The following ANKRD17 variants were observed in gnomAD, a reference collection of about 807,000 sequenced individuals.
ANKRD17 encodes the protein ankyrin repeat domain-containing protein 17.
Under a neutral mutation model 229.7 loss-of-function variants are expected in ANKRD17, and 19 were observed. That is an observed-to-expected ratio of 0.08 (90% confidence interval 0.06 to 0.12). The LOEUF (loss-of-function observed/expected upper bound fraction) is 0.12. ANKRD17 is among the 10% of genes least tolerant of loss of function. The probability of loss-of-function intolerance (pLI) is 1.00; values close to 1 mark genes in which losing one functional copy is unlikely to be tolerated. For synonymous variants in ANKRD17, 1,112 were observed against 1,146.1 expected (o/e 0.97, Z 0.60); for missense variants, 2,176 against 3,176.8 (o/e 0.68, Z 7.57).
rs200947327 is a variant in ANKRD17, at chr4:73,201,494, AG to A, written c.394-23962del. ...ATGTAAACAGTGCGTGAGGAAAAAA[AG>A]CAAGAAACAAATATTTTTAAATAAT... On this transcript the variant is annotated intron_variant, in intron 1 of 33. Coordinates refer to ENST00000358602, the MANE Select transcript of ANKRD17 (RefSeq NM_032217.5). 3.3e-3 allele frequency among the ~76,000 whole-genome samples: 510 copies of A among 152,296 alleles called. 10 individuals are homozygous for A. The highest frequency in any genetic ancestry group is 0.023 in the Admixed American group (350 of 15,302).
chr4:73,247,395 T>C (rs550579133), intron 1 of ANKRD17, among the ~76,000 whole-genome samples: 1 of 152,166 alleles, frequency 6.6e-6, no homozygotes, highest in African/African-American at 2.4e-5. Context: ...AATAGTTTCA[T>C]ACTCAAAAAT....
At chr4:73,228,098 ATTACT>A (rs1742684503) in intron 1 of ANKRD17, among the ~76,000 whole-genome samples, 1 of 152,210 alleles carries the variant, frequency 6.6e-6, no homozygotes, top group Non-Finnish European at 1.5e-5. Flanking sequence ...AAATTTAATC[ATTACT>A]TTATAGTATC....
intron 24 of ANKRD17, among the ~76,000 whole-genome samples, chr4:73,106,640 G>T (rs992445561): frequency 3.3e-5 from 5 of 152,114 alleles, no homozygotes; most frequent in African/African-American, 1.2e-4. Flanking sequence ...CAGCACTTTG[G>T]GAGGCCAAGG....
At position 73,142,405 on chromosome 4, in the gene ANKRD17, A is replaced by G; in HGVS notation, c.2086-20T>C. On this transcript the variant is annotated intron_variant, in intron 12 of 33. Coordinates refer to ENST00000358602, the MANE Select transcript of ANKRD17 (RefSeq NM_032217.5). ...GCCATCCTAAAAGAGTGAATATGGA[A>G]GGGGAAAAAAAGTGAAGAAAAATAA... 2.5e-6 allele frequency: 4 copies of G among 1,585,544 alleles called. No homozygotes were observed. Among genetic ancestry groups the G allele is most frequent in the Non-Finnish European group, 3.4e-6 (4 of 1,173,624 alleles).
At position 73,139,850 on chromosome 4, in the gene ANKRD17, A is replaced by G. The variant is rs1289586207; in HGVS notation, c.2766T>C (p.Ser922=). The G allele has an allele frequency of 6.2e-7, 1 of 1,614,122 alleles. No homozygotes were observed. Among genetic ancestry groups the G allele is most frequent in the African/African-American group, 1.3e-5 (1 of 74,944 alleles). ...GCTGTAACCGTGCATAGTCTCCCTC[A>G]GAAAGCTGCTCTCCAACTCCAACAG... ...LTPVGVGEQL[S]EGDYARLQQV... is the part of the protein sequence containing the mutation. Residue 922 remains serine, a synonymous_variant, in exon 15 of 34, where the codon TCT becomes TCC. Coordinates refer to ENST00000358602, the MANE Select transcript of ANKRD17 (RefSeq NM_032217.5).
chr4:73,102,243 G>C, intron 25 of ANKRD17, 133 bp downstream of exon 25: 1 of 898,676 alleles, frequency 1.1e-6, no homozygotes, highest in South Asian at 2.0e-5. Flanking sequence ...GATTACGGGC[G>C]TGAGCCACTG....
intron 1 of ANKRD17, among the ~76,000 whole-genome samples, chr4:73,185,454 A>T (rs1181702830): frequency 1.3e-5 from 2 of 151,974 alleles, no homozygotes; most frequent in Non-Finnish European, 2.9e-5. Context: ...AATAATCCCC[A>T]CACTTATTCC....
In ANKRD17 at chr4:73,258,791, C is replaced by A; in HGVS notation, c.-123G>T. 1 of 1,348,108 alleles carries A rather than the reference C, an allele frequency of 7.4e-7. No homozygotes were observed. The highest frequency in any genetic ancestry group is 9.4e-7 in the Non-Finnish European group (1 of 1,058,262). 83.5% of individuals were successfully genotyped at this position (1,348,108 alleles called of 1,614,324 possible). On this transcript the variant is annotated 5_prime_UTR_variant, in exon 1 of 34. Coordinates refer to ENST00000358602, the MANE Select transcript of ANKRD17 (RefSeq NM_032217.5). ...GCCTCCGCCGCCACCGCCTCGGTCACCTCTACTGCCGCCGCCGCCGCCGCC... is the reference window on the plus strand; with the variant it reads ...GCCTCCGCCGCCACCGCCTCGGTCAACTCTACTGCCGCCGCCGCCGCCGCC...
chr4:73,082,355 G>C (rs904818596), intron 30 of ANKRD17, among the ~76,000 whole-genome samples: 1 of 152,030 alleles, frequency 6.6e-6, no homozygotes, highest in Non-Finnish European at 1.5e-5. Flanking sequence ...GGGTGCTATG[G>C]CAAGTGCCTG....
chr4:73,187,160 T>C (rs998599049), intron 1 of ANKRD17, among the ~76,000 whole-genome samples: 1 of 152,216 alleles, frequency 6.6e-6, no homozygotes, highest in Non-Finnish European at 1.5e-5. Context: ...AAAGTTCTGA[T>C]GAACAGTTTG....
rs762523913 is a variant in ANKRD17, at chr4:73,085,321, C to T, written c.7087G>A (p.Ala2363Thr). 1.1e-5 allele frequency: 17 copies of T among 1,614,090 alleles called. No homozygotes were observed. The highest frequency in any genetic ancestry group is 7.7e-5 in the South Asian group (7 of 91,068). Residue 2363 changes from alanine (A) to threonine (T), a missense_variant, in exon 30 of 34, where the codon GCA becomes ACA. Transcript: ENST00000358602. ...TGTTGTCTGTTAAAGTTAGCAGCTGCGGGTGCTCCTCCAAGGGGTGCCCCA... is the reference window on the plus strand; with the variant it reads ...TGTTGTCTGTTAAAGTTAGCAGCTGTGGGTGCTCCTCCAAGGGGTGCCCCA... ...GPGAPLGGAP[A>T]AANFNRQHFS... is the part of the protein sequence containing the mutation.
At chr4:73,117,779 A>C (rs1270497038) in intron 22 of ANKRD17, among the ~76,000 whole-genome samples, 2 of 152,232 alleles carry the variant, frequency 1.3e-5, no homozygotes, top group Non-Finnish European at 2.9e-5. Context: ...TGATATTCCC[A>C]ATAACAAACT....
In ANKRD17 at chr4:73,120,212, G is replaced by A; in HGVS notation, c.3975C>T (p.Thr1325=). The change falls in exon 21 of 34, where the codon ACC becomes ACT. Residue 1325 remains threonine (T), a synonymous_variant. Transcript: ENST00000358602. ...PVPSSRDTAL[T]IAADKGHYKF... ...TGTAATGCCCTTTATCTGCTGCTAT[G>A]GTTAAAGCTGTATCTCTTGAGGAGG... is the stretch of plus-strand genomic sequence containing the variant. 1 of 1,614,034 alleles carries A rather than the reference G, an allele frequency of 6.2e-7. No homozygotes were observed. Among genetic ancestry groups the A allele is most frequent in the Admixed American group, 1.7e-5 (1 of 60,000 alleles).
chr4:73,116,569 A>AT (rs1371697864), intron 22 of ANKRD17, among the ~76,000 whole-genome samples: 2 of 152,082 alleles, frequency 1.3e-5, no homozygotes, highest in East Asian at 1.9e-4. Context: ...TCTTTAGTAT[A>AT]TTTTTTCTAT....
At chr4:73,108,867 G>T (rs1724957346) in intron 24 of ANKRD17, among the ~76,000 whole-genome samples, 1 of 152,112 alleles carries the variant, frequency 6.6e-6, no homozygotes, top group Non-Finnish European at 1.5e-5. Context: ...TAAGATTGGA[G>T]AAATAAGTGT....
At chr4:73,094,968 C>T (rs1339460150) in intron 27 of ANKRD17, among the ~76,000 whole-genome samples, 4 of 151,792 alleles carry the variant, frequency 2.6e-5, no homozygotes, top group Non-Finnish European at 2.9e-5. Flanking sequence ...GTCAGGAGTT[C>T]GAGACCAGCC....
rs545336853 is a variant in ANKRD17, at chr4:73,095,323, G to A, written c.5178-1095C>T. Among the ~76,000 whole-genome samples, 83 of 151,972 alleles carry A rather than the reference G, an allele frequency of 5.5e-4. 1 individual carries two copies. The South Asian group carries it at 0.016, about 29-fold the overall frequency. On this transcript the variant is annotated intron_variant, in intron 27 of 33. Coordinates refer to ENST00000358602, the MANE Select transcript of ANKRD17 (RefSeq NM_032217.5). ...AATTTAAAAAGCAAAATCTGAGGCC[G>A]GGCACGGTGGCTCACGCCTGTAATC...
chr4:73,130,963 A>G (rs979038137), intron 16 of ANKRD17, among the ~76,000 whole-genome samples: 1 of 152,190 alleles, frequency 6.6e-6, no homozygotes, highest in South Asian at 2.1e-4. Flanking sequence ...GAACCCACAA[A>G]TAAGTTTGGT....
chr4:73,198,850 C>T (rs899852727), intron 1 of ANKRD17, among the ~76,000 whole-genome samples: 4 of 151,962 alleles, frequency 2.6e-5, no homozygotes, highest in African/African-American at 7.3e-5. Context: ...ATTAGATGAG[C>T]CCAAACAAAA....
Sources: allele counts gnomAD v4.1 joint callset (sites outside exome capture counted in the v4.1 genomes callset), GRCh38; gene constraint gnomAD v4.1.1; transcripts MANE v1.5; gene names NCBI Gene and HGNC (gene_info 2026-07-23, HGNC 2026-07-21).